MCUB: variants seen among roughly 807,000 people sequenced by gnomAD.
MCUB encodes calcium uniporter regulatory subunit MCUb, mitochondrial.
MCUB carries 46 observed loss-of-function variants against 41.4 expected under a neutral mutation model. That is an observed-to-expected ratio of 1.11 (90% confidence interval 0.88 to 1.42). The LOEUF is 1.42. Among genes scored for constraint, MCUB ranks in the 40% most tolerant of loss-of-function variants. The pLI is 0.00. For missense variants in MCUB, 403 were observed against 404.9 expected, an observed-to-expected ratio of 1.00 and a Z score of 0.04; for synonymous variants, 148 against 148.2, an observed-to-expected ratio of 1.00 and a Z score of 0.01.
intron 1 of MCUB, among the ~76,000 whole-genome samples, chr4:109,626,638 C>A (rs1167341537): frequency 6.6e-6 from 1 of 151,890 alleles, no homozygotes; most frequent in African/African-American, 2.4e-5. Flanking sequence ...CATGGCAAAA[C>A]CCTGTTTCTA....
chr4:109,611,404 TA>T (rs1728004783), intron 1 of MCUB, among the ~76,000 whole-genome samples: 1 of 152,208 alleles, frequency 6.6e-6, no homozygotes, highest in Admixed American at 6.5e-5. Context: ...ATGTGAAAAG[TA>T]AAATGCTTCT....
chr4:109,598,526 A>C (rs1011527151), intron 1 of MCUB, among the ~76,000 whole-genome samples: 1 of 152,114 alleles, frequency 6.6e-6, no homozygotes, highest in Non-Finnish European at 1.5e-5. Context: ...GGGAGGTTGC[A>C]GTGAGCCGAG....
chr4:109,684,963 A>G, intron 6 of MCUB: 1 of 387,356 alleles, frequency 2.6e-6, no homozygotes, highest in South Asian at 5.9e-5. Flanking sequence ...GCTTTGCCTC[A>G]TGGTTATTTA....
chr4:109,679,805 GTTGTTGTTGTTT>G (rs1490270154), intron 4 of MCUB, among the ~76,000 whole-genome samples: 3 of 152,090 alleles, frequency 2.0e-5, no homozygotes, highest in Admixed American at 2.0e-4. Flanking sequence ...TGTTGTTGTT[GTTGTTGTTGTTT>G]TTGAGACAGA....
intron 1 of MCUB, among the ~76,000 whole-genome samples, chr4:109,585,290 C>A (rs1002264719): frequency 4.6e-5 from 7 of 152,094 alleles, no homozygotes; most frequent in Non-Finnish European, 7.4e-5. Context: ...TTCCTGCTTT[C>A]CATTTGCTTG....
intron 1 of MCUB, among the ~76,000 whole-genome samples, chr4:109,614,472 C>T (rs1406078754): frequency 2.6e-5 from 4 of 151,848 alleles, no homozygotes; most frequent in African/African-American, 9.7e-5. Context: ...TTTCTGCACT[C>T]CGCTATGTGA....
At position 109,678,627 on chromosome 4, in the gene MCUB, C is replaced by T. The variant is rs539975470; in HGVS notation, c.452-3955C>T. The stretch of plus-strand genomic sequence containing the variant: ...GCAGAGGCACTCCTCACCTCCCAGA[C>T]GGGGTGGCGGCCGGGCAGAGGCGCT... On this transcript the variant is annotated intron_variant, in intron 4 of 7. Transcript: ENST00000394650. 4.4e-3 allele frequency among the ~76,000 whole-genome samples: 544 copies of T among 123,294 alleles called. 4 individuals are homozygous for T. The highest frequency in any genetic ancestry group is 0.014 in the African/African-American group (445 of 31,640). 80.9% of individuals were successfully genotyped at this position (123,294 alleles called of 152,430 possible). A position where few individuals can be genotyped will look rare whatever the true frequency, so the allele number is the denominator to read the frequency against.
At chr4:109,682,425 A>C (rs1188238927) in intron 4 of MCUB, among the ~76,000 whole-genome samples, 157 bp from the exon 5 acceptor site, 3 of 152,128 alleles carry the variant, frequency 2.0e-5, no homozygotes, top group African/African-American at 7.2e-5. Context: ...CTGCTTTTCA[A>C]ATGTATATTA....
At chr4:109,634,115 A>G (rs1003758798) in intron 1 of MCUB, among the ~76,000 whole-genome samples, 3 of 152,142 alleles carry the variant, frequency 2.0e-5, no homozygotes, top group Admixed American at 6.6e-5. Flanking sequence ...TGTATAGTCC[A>G]TAAGTTTAAT....
rs1729892812 is a variant in MCUB, at chr4:109,688,102, C to T, written c.*510C>T. 6.6e-6 allele frequency: 1 copy of T among 152,450 alleles called. No homozygotes were observed. The highest frequency in any genetic ancestry group is 6.5e-5 in the Admixed American group (1 of 15,288). 9.4% of individuals were successfully genotyped at this position (152,450 alleles called of 1,614,324 possible). A position where few individuals can be genotyped will look rare whatever the true frequency, so the allele number is the denominator to read the frequency against. On this transcript the variant is annotated 3_prime_UTR_variant, in exon 8 of 8. Coordinates refer to ENST00000394650, the MANE Select transcript of MCUB (RefSeq NM_017918.5). ...CAAAAAGGCATAAATGTTCCACCAA[C>T]CATAAAGTATAGTTGGTACTTTTTG... is the stretch of plus-strand genomic sequence containing the variant.
intron 1 of MCUB, among the ~76,000 whole-genome samples, chr4:109,623,332 T>C (rs1728293177): frequency 6.6e-6 from 1 of 152,222 alleles, no homozygotes; most frequent in Admixed American, 6.5e-5. Context: ...AGAAGTGTTT[T>C]TGATTACACT....
intron 1 of MCUB, among the ~76,000 whole-genome samples, chr4:109,588,470 G>A (rs113941148): frequency 6.6e-6 from 1 of 152,184 alleles, no homozygotes; most frequent in Admixed American, 6.5e-5. Flanking sequence ...TGACATTTCA[G>A]TGTTTCCTGT....
intron 1 of MCUB, among the ~76,000 whole-genome samples, chr4:109,612,880 G>A (rs1008055997): frequency 6.6e-5 from 10 of 152,272 alleles, no homozygotes; most frequent in East Asian, 5.8e-4. Context: ...GCCAAGGCGG[G>A]CGGATCACAA....
chr4:109,646,291 C>T (rs1322644255), intron 1 of MCUB, among the ~76,000 whole-genome samples: 1 of 152,156 alleles, frequency 6.6e-6, no homozygotes, highest in Non-Finnish European at 1.5e-5. Context: ...TCCCATGAAA[C>T]AGCTTCCTCT....
intron 1 of MCUB, among the ~76,000 whole-genome samples, chr4:109,647,815 G>A (rs1214372864): frequency 6.6e-6 from 1 of 152,138 alleles, no homozygotes; most frequent in Non-Finnish European, 1.5e-5. Flanking sequence ...CCACCTTATG[G>A]TAAAAGGGAT....
At chr4:109,598,037 G>A (rs1188181892) in intron 1 of MCUB, among the ~76,000 whole-genome samples, 1 of 151,594 alleles carries the variant, frequency 6.6e-6, no homozygotes, top group Non-Finnish European at 1.5e-5. Flanking sequence ...TAGATGGGAT[G>A]GCGGCCGGGA....
chr4:109,678,882 C>A (rs1003686512), intron 4 of MCUB, among the ~76,000 whole-genome samples: 2 of 145,772 alleles, frequency 1.4e-5, no homozygotes, highest in Non-Finnish European at 3.0e-5. Context: ...CAGAGACACT[C>A]CCCACTTCCC....
chr4:109,661,422 T>G (rs1263919465), intron 3 of MCUB, among the ~76,000 whole-genome samples: 1 of 152,098 alleles, frequency 6.6e-6, no homozygotes, highest in Non-Finnish European at 1.5e-5. Context: ...CCAAATTAAT[T>G]AAAAGATAGA....
intron 1 of MCUB, among the ~76,000 whole-genome samples, chr4:109,650,098 A>C (rs1728926266): frequency 6.6e-6 from 1 of 152,182 alleles, no homozygotes; most frequent in Admixed American, 6.5e-5. Flanking sequence ...GATGGGTTTG[A>C]GGTGAGGTGT....
Sources: gnomAD v4.1 joint callset for allele counts (sites outside exome capture counted in the v4.1 genomes callset) on GRCh38, gnomAD v4.1.1 for gene constraint, MANE v1.5 for transcripts, NCBI Gene and HGNC (gene_info 2026-07-23, HGNC 2026-07-21) for gene names.